The following CAMSAP2 variants were observed in gnomAD, a reference collection of about 807,000 sequenced individuals.
CAMSAP2 encodes the protein calmodulin regulated spectrin associated protein family member 2, also known as calmodulin-regulated spectrin-associated protein 2.
In CAMSAP2, 26 loss-of-function variants were observed where a neutral mutation model predicts 146.1. The ratio of observed to expected loss-of-function variants is 0.18; its 90% CI spans 0.13 to 0.25. The LOEUF (loss-of-function observed/expected upper bound fraction) is 0.25, where lower values mean the gene tolerates loss of function less well. Ranked by LOEUF, CAMSAP2 falls within the 10% of genes least tolerant of loss-of-function variation. CAMSAP2 has a pLI of 1.00. For missense variants in CAMSAP2, 1,381 were observed against 1,759.3 expected (o/e 0.78, Z 3.85); for synonymous variants, 499 against 596.6 (o/e 0.84, Z 2.38).
rs773630754 is a variant in CAMSAP2, at chr1:200,854,854, TAAC to T, written c.3862_3864del (p.Asn1288del). 6.2e-7 allele frequency: 1 copy of T among 1,612,580 alleles called. No individual in the cohort carries two copies. The highest frequency in any genetic ancestry group is 1.3e-5 in the African/African-American group (1 of 75,032). On this transcript the variant is annotated inframe_deletion, in exon 14 of 17. Coordinates refer to ENST00000358823, the MANE Select transcript of CAMSAP2 (RefSeq NM_203459.4). Reference sequence around the variant, plus strand: ...CTTTGGCATCGCTGAACACGGGTGATAACGAGAGTGTACATTCAGGCAAGAGGA... The same window carrying T: ...CTTTGGCATCGCTGAACACGGGTGATGAGAGTGTACATTCAGGCAAGAGGA...
At chr1:200,845,927 G>A (rs1458472519) in intron 8 of CAMSAP2, among the ~76,000 whole-genome samples, 1 of 152,150 alleles carries the variant, frequency 6.6e-6, no homozygotes, top group African/African-American at 2.4e-5. Context: ...CCAGGTATAT[G>A]ATAGGGACAT....
chr1:200,771,734 G>A (rs192417785), intron 2 of CAMSAP2, among the ~76,000 whole-genome samples: 14 of 152,290 alleles, frequency 9.2e-5, no homozygotes, highest in Non-Finnish European at 1.6e-4. Context: ...CCCAAAGGGA[G>A]GGAGAATGAC....
intron 1 of CAMSAP2, among the ~76,000 whole-genome samples, chr1:200,741,917 G>A (rs1455507751): frequency 6.6e-6 from 1 of 152,168 alleles, no homozygotes; most frequent in Admixed American, 6.5e-5. Flanking sequence ...TGCATAGAGA[G>A]GTTAACTTTC....
intron 6 of CAMSAP2, among the ~76,000 whole-genome samples, chr1:200,835,110 G>T (rs915683210): frequency 6.6e-6 from 1 of 152,174 alleles, no homozygotes; most frequent in Non-Finnish European, 1.5e-5. Context: ...AAGCAGACTG[G>T]GGAAACGAAC....
rs1435704465 is a variant in CAMSAP2 at position 200,858,406 on chromosome 1, TTTTA to T, written c.*351_*354del. 1 of 181,594 alleles carries T rather than the reference TTTTA, an allele frequency of 5.5e-6. No individual in the cohort carries two copies. The highest frequency in any genetic ancestry group is 1.1e-5 in the Non-Finnish European group (1 of 88,272). 11.2% of individuals were successfully genotyped at this position (181,594 alleles called of 1,614,324 possible). ...TATGGTTAAGATTACAAATTATGTG[TTTTA>T]TTTGTTGCTTTTTTTTAACCTTTTA... On this transcript the variant is annotated 3_prime_UTR_variant, in exon 17 of 17. Transcript: ENST00000358823.
intron 2 of CAMSAP2, among the ~76,000 whole-genome samples, chr1:200,775,071 A>C (rs1349625249): frequency 6.6e-6 from 1 of 152,226 alleles, no homozygotes; most frequent in Non-Finnish European, 1.5e-5. Context: ...AAAATAAATT[A>C]GTAAGGAGCT....
At chr1:200,829,996 C>A (rs1667001963) in intron 4 of CAMSAP2, among the ~76,000 whole-genome samples, 2 of 151,680 alleles carry the variant, frequency 1.3e-5, no homozygotes, top group Non-Finnish European at 2.9e-5. Context: ...AATAAATATA[C>A]CATAATGTTG....
At position 200,848,930 on chromosome 1, in the gene CAMSAP2, A is replaced by T. The variant is rs1465611844; in HGVS notation, c.2161A>T (p.Ile721Phe). 2.5e-6 allele frequency: 4 copies of T among 1,614,196 alleles called. No individual in the cohort carries two copies. Among genetic ancestry groups the T allele is most frequent in the Non-Finnish European group, 3.4e-6 (4 of 1,180,012 alleles). The change falls in exon 11 of 17, where the codon ATT becomes TTT. Residue 721 changes from isoleucine to phenylalanine, a missense_variant. Physicochemically the swap from Ile to Phe is conservative, Grantham distance 21. This residue lies in a region of CAMSAP2 where 447 missense variants were observed against 462.2 expected (regional missense o/e 0.97). Transcript: ENST00000358823. ...KTTPEGSELN[I>F]PHVVAWAQIP... ...TACACCAGAAGGCTCTGAACTTAAT[A>T]TTCCTCATGTGGTTGCTTGGGCACA...
intron 13 of CAMSAP2, among the ~76,000 whole-genome samples, chr1:200,854,195 T>C (rs964022191): frequency 6.6e-6 from 1 of 152,162 alleles, no homozygotes; most frequent in Non-Finnish European, 1.5e-5. Flanking sequence ...TTGTTCAGGC[T>C]GGTCTCGAAC....
chr1:200,758,231 T>C (rs1664700658), intron 1 of CAMSAP2, among the ~76,000 whole-genome samples: 1 of 152,252 alleles, frequency 6.6e-6, no homozygotes, highest in African/African-American at 2.4e-5. Context: ...ATCCTGATAA[T>C]GAGCATTTAC....
intron 4 of CAMSAP2, chr1:200,828,579 T>C (rs1201174659): frequency 6.5e-7 from 1 of 1,550,290 alleles, no homozygotes; most frequent in Admixed American, 2.0e-5. Flanking sequence ...GAAGTCTCCT[T>C]CCAAATGGTT....
intron 2 of CAMSAP2, among the ~76,000 whole-genome samples, chr1:200,786,958 C>T (rs1665610263): frequency 6.8e-6 from 1 of 146,190 alleles, no homozygotes; most frequent in South Asian, 2.1e-4. Context: ...TGGATGACAG[C>T]ACATCTATTT....
rs371728869 is a variant in CAMSAP2 at position 200,807,500 on chromosome 1, A to G, written c.524A>G (p.Tyr175Cys). 55 of 1,611,524 alleles carry G rather than the reference A, an allele frequency of 3.4e-5. No homozygotes were observed. Among genetic ancestry groups the G allele is most frequent in the Middle Eastern group, 3.3e-4 (2 of 6,052 alleles). Reference sequence around the variant, plus strand: ...TTTTTTCAAGCCACAGATCTGCCCTATGATATTGAGGACGCTGTCATGTAC... The same window carrying G: ...TTTTTTCAAGCCACAGATCTGCCCTGTGATATTGAGGACGCTGTCATGTAC... ...SAFFQATDLP[Y>C]DIEDAVMYWI... Residue 175 changes from tyrosine to cysteine, a missense_variant, in exon 3 of 17, where the codon TAT becomes TGT. Coordinates refer to ENST00000358823, the MANE Select transcript of CAMSAP2 (RefSeq NM_203459.4).
intron 6 of CAMSAP2, among the ~76,000 whole-genome samples, chr1:200,839,201 G>A (rs1341028442): frequency 6.6e-6 from 1 of 152,174 alleles, no homozygotes; most frequent in Non-Finnish European, 1.5e-5. Flanking sequence ...AAGTAAGATG[G>A]GAAATCTGTT....
intron 3 of CAMSAP2, among the ~76,000 whole-genome samples, chr1:200,810,993 A>C (rs1558187642): frequency 6.6e-6 from 1 of 152,304 alleles, no homozygotes; most frequent in East Asian, 1.9e-4. Flanking sequence ...GACTCTCTCA[A>C]GAGTTGTTTG....
intron 2 of CAMSAP2, among the ~76,000 whole-genome samples, chr1:200,773,114 C>T (rs1323501676): frequency 6.6e-6 from 1 of 152,050 alleles, no homozygotes; most frequent in South Asian, 2.1e-4. Flanking sequence ...ATCTTATGTA[C>T]ATAAGAGACA....
At chr1:200,795,215 G>T (rs1665854572) in intron 2 of CAMSAP2, among the ~76,000 whole-genome samples, 1 of 152,132 alleles carries the variant, frequency 6.6e-6, no homozygotes, top group Non-Finnish European at 1.5e-5. Flanking sequence ...GGACTTGTTG[G>T]GTAGGCCCTG....
At chr1:200,761,316 A>G (rs1558165055) in intron 2 of CAMSAP2, among the ~76,000 whole-genome samples, 1 of 152,242 alleles carries the variant, frequency 6.6e-6, no homozygotes, top group Admixed American at 6.5e-5. Flanking sequence ...AAACAACTAC[A>G]TAATTTCCAA....
rs1276470649 is a variant in CAMSAP2 at position 200,853,745 on chromosome 1, A to G, written c.3823+250A>G. 1.3e-5 allele frequency among the ~76,000 whole-genome samples: 2 copies of G among 152,214 alleles called. No individual in the cohort carries two copies. Among genetic ancestry groups the G allele is most frequent in the African/African-American group, 4.8e-5 (2 of 41,462 alleles). On this transcript the variant is annotated intron_variant, in intron 13 of 16. Transcript: ENST00000358823. This position sits in a 1 kb window ranked among gnomAD's most constrained non-coding sequence, Gnocchi z 5.1. ...AATCTAAATATTAATCTATTAGGGA[A>G]CTGTGCCCTCAGATATAATCTCCTT...
Sources: allele counts gnomAD v4.1 joint callset (sites outside exome capture counted in the v4.1 genomes callset), GRCh38; gene constraint gnomAD v4.1.1; regional missense constraint gnomAD v4.1.1; non-coding constraint Gnocchi (gnomAD v3.1); transcripts MANE v1.5; gene names NCBI Gene and HGNC (gene_info 2026-07-23, HGNC 2026-07-21).